The following ACOX3 variants were observed in gnomAD, a reference collection of about 807,000 sequenced individuals.
ACOX3 encodes acyl-CoA oxidase 3, pristanoyl.
A neutral mutation model predicts 81.5 loss-of-function variants in ACOX3; 73 were observed. The ratio of observed to expected loss-of-function variants is 0.90; its 90% CI spans 0.74 to 1.09. The LOEUF (loss-of-function observed/expected upper bound fraction) is 1.09. Among genes scored for constraint, ACOX3 ranks in the 50% least tolerant of loss-of-function variants. The pLI is 0.00. For synonymous variants in ACOX3, 387 were observed against 375.1 expected (o/e 1.03, Z -0.37); for missense variants, 947 against 928.0 (o/e 1.02, Z -0.27).
chr4:8,426,188 T>C (rs1231175040), intron 1 of ACOX3, among the ~76,000 whole-genome samples: 3 of 152,006 alleles, frequency 2.0e-5, no homozygotes, highest in African/African-American at 7.3e-5. Flanking sequence ...TCTTAAAACA[T>C]TACAGGGAAC....
At chr4:8,424,437 G>A (rs1723251330) in intron 1 of ACOX3, among the ~76,000 whole-genome samples, 2 of 152,206 alleles carry the variant, frequency 1.3e-5, no homozygotes, top group Non-Finnish European at 2.9e-5. Context: ...GGACCAGGTT[G>A]CAACCCATGG....
intron 15 of ACOX3, 90 bp from the exon 16 acceptor site, chr4:8,373,718 GCC>G: frequency 7.8e-7 from 1 of 1,286,674 alleles, no homozygotes; most frequent in Non-Finnish European, 1.1e-6. Flanking sequence ...TTCCAAATCG[GCC>G]ATATAGGAGG....
intron 6 of ACOX3, 145 bp downstream of exon 6, chr4:8,410,067 C>T: frequency 9.2e-7 from 1 of 1,090,050 alleles, no homozygotes; most frequent in Admixed American, 2.8e-5. Context: ...ATGGGATGCA[C>T]TGGGGTCCTG....
intron 13 of ACOX3, among the ~76,000 whole-genome samples, chr4:8,387,350 G>T (rs1424506554): frequency 6.6e-6 from 1 of 152,186 alleles, no homozygotes; most frequent in East Asian, 1.9e-4. Context: ...GATCAACCCC[G>T]GCAGCCTGGC....
chr4:8,366,805 G>T lies in ACOX3; in HGVS notation c.*156C>A, dbSNP rs971659126. The T allele has an allele frequency of 9.7e-6, 10 of 1,032,024 alleles. No individual in the cohort carries two copies. Among genetic ancestry groups the T allele is most frequent in the Middle Eastern group, 3.2e-4 (1 of 3,082 alleles). 63.9% of individuals were successfully genotyped at this position (1,032,024 alleles called of 1,614,324 possible). A position where few individuals can be genotyped will look rare whatever the true frequency, so the allele number is the denominator to read the frequency against. On this transcript the variant is annotated 3_prime_UTR_variant, in exon 18 of 18. Coordinates refer to ENST00000356406, the MANE Select transcript of ACOX3 (RefSeq NM_003501.3). ...CCGGCCGGGTGCCTCCCTCCCGTCC[G>T]CCTGGGCAGTTGAGGCCAATCAGCA...
chr4:8,363,638 G>C (rs1030137833), downstream of ACOX3, among the ~76,000 whole-genome samples: 15 of 152,174 alleles, frequency 9.9e-5, no homozygotes, highest in African/African-American at 3.6e-4. Flanking sequence ...GTAAAATGAG[G>C]CTGAGACCTA....
chr4:8,419,947 C>G lies in ACOX3; in HGVS notation c.-14-3412G>C, dbSNP rs1271503071. 6.6e-6 allele frequency among the ~76,000 whole-genome samples: 1 copy of G among 152,322 alleles called. No individual in the cohort carries two copies. The highest frequency in any genetic ancestry group is 2.1e-4 in the South Asian group (1 of 4,824). On this transcript the variant is annotated intron_variant, in intron 1 of 17. Transcript: ENST00000356406. This position sits in a 1 kb window ranked among gnomAD's most constrained non-coding sequence, Gnocchi z 4.2. ...TCCACAGTGCATCTCTAACACCTTA[C>G]GGAATCTTCTCATTTCTCTCCAGCC...
rs1055008613 is a variant in ACOX3 at position 8,414,069 on chromosome 4, T to C, written c.543+223A>G. On this transcript the variant is annotated intron_variant, in intron 5 of 17. Coordinates refer to ENST00000356406, the MANE Select transcript of ACOX3 (RefSeq NM_003501.3). This position sits in a 1 kb window ranked among gnomAD's most constrained non-coding sequence, Gnocchi z 6.1. ...ACACACAAATCCAAACCACGATCAA[T>C]TCCCCATAAAGTTCATGGTGGGCAC... Among the ~76,000 whole-genome samples, 1 of 152,166 alleles carries C rather than the reference T, an allele frequency of 6.6e-6. No individual in the cohort carries two copies. Among genetic ancestry groups the C allele is most frequent in the Non-Finnish European group, 1.5e-5 (1 of 68,020 alleles).
chr4:8,375,459 G>A (rs769735641), intron 14 of ACOX3, among the ~76,000 whole-genome samples: 40 of 152,214 alleles, frequency 2.6e-4, no homozygotes, highest in Non-Finnish European at 4.9e-4. Flanking sequence ...ACGGAGCCTG[G>A]AGCCGGCCTC....
chr4:8,357,487 T>C, the ACOX3 span: 2 of 335,694 alleles, frequency 6.0e-6, no homozygotes, highest in South Asian at 4.8e-5. Context: ...TCTTTAAAGT[T>C]TTCTACATTA....
At chr4:8,410,171 G>C (rs773020556) in intron 6 of ACOX3, 41 bp downstream of exon 6, 1 of 1,595,716 alleles carries the variant, frequency 6.3e-7, no homozygotes, top group South Asian at 1.1e-5. Flanking sequence ...GCTTCCTGGG[G>C]GTAAACACTG....
Position 8,394,671 on chromosome 4 carries a change from G to A in ACOX3, c.1128C>T (p.Asp376=). ...CAAGTCCTCGCTGGAGCTCCACCAG[G>A]TCCAGGAAGAGCGACTTGGAGAAAT... ...LDHFSKSLFL[D]LVELQRGLAS... is the part of the protein sequence containing the mutation. The change falls in exon 10 of 18, where the codon GAC becomes GAT. Residue 376 remains aspartate, a synonymous_variant. Transcript: ENST00000356406. The surrounding 1 kb of genome is among the most constrained non-coding windows in gnomAD (Gnocchi z 5.9). 5.6e-6 allele frequency: 9 copies of A among 1,613,890 alleles called. No individual in the cohort carries two copies. Among genetic ancestry groups the A allele is most frequent in the Non-Finnish European group, 7.6e-6 (9 of 1,180,004 alleles).
chr4:8,394,638 T>TA lies in ACOX3; in HGVS notation c.1160_1161insT (p.Asp388ArgfsTer12). ...ACCTCACCTGTCTGGCGCTGCGGTC[T>TA]CCCGATGCAAGTCCTCGCTGGAGCT... On this transcript the variant is annotated frameshift_variant, in exon 10 of 18. Coordinates refer to ENST00000356406, the MANE Select transcript of ACOX3 (RefSeq NM_003501.3). LOFTEE classifies it high-confidence loss of function. This position sits in a 1 kb window ranked among gnomAD's most constrained non-coding sequence, Gnocchi z 5.9. The TA allele has an allele frequency of 1.2e-6, 2 of 1,613,722 alleles. No individual in the cohort carries two copies. The highest frequency in any genetic ancestry group is 1.7e-6 in the Non-Finnish European group (2 of 1,179,972).
rs988287188 is a variant in ACOX3 at position 8,370,344 on chromosome 4, A to G, written c.1983+564T>C. The stretch of plus-strand genomic sequence containing the variant: ...CGAGGAGGCTGGTGGAGGCTCCCTC[A>G]GGGGGGCGGCCTGACCCCATCTGCT... On this transcript the variant is annotated intron_variant, in intron 17 of 17. Transcript: ENST00000356406. The surrounding 1 kb of genome is among the most constrained non-coding windows in gnomAD (Gnocchi z 6.3). Among the ~76,000 whole-genome samples, 5 of 151,844 alleles carry G rather than the reference A, an allele frequency of 3.3e-5. No individual in the cohort carries two copies. The highest frequency in any genetic ancestry group is 1.2e-4 in the African/African-American group (5 of 41,356).
In ACOX3 at chr4:8,405,893, G is replaced by T; in HGVS notation, c.776+62C>A. The stretch of plus-strand genomic sequence containing the variant: ...ATGGGGCCAGTGAGATCTCAGACAT[G>T]AGCGACAACGCAGCCTGGGCCTTGG... On this transcript the variant is annotated intron_variant, in intron 7 of 17. Transcript: ENST00000356406. The surrounding 1 kb of genome is among the most constrained non-coding windows in gnomAD (Gnocchi z 7.1). 1 of 1,503,094 alleles carries T rather than the reference G, an allele frequency of 6.7e-7. No homozygotes were observed. Among genetic ancestry groups the T allele is most frequent in the Non-Finnish European group, 9.3e-7 (1 of 1,079,538 alleles). The allele number at this position is 1,503,094 out of a possible 1,614,324, so 93.1% of individuals were successfully genotyped here. A position where few individuals can be genotyped will look rare whatever the true frequency, so the allele number is the denominator to read the frequency against.
chr4:8,360,086 T>G, the ACOX3 span, among the ~76,000 whole-genome samples: 1 of 152,220 alleles, frequency 6.6e-6, no homozygotes, highest in Non-Finnish European at 1.5e-5. Context: ...CCTTCTTGTC[T>G]TCTATGTTCT....
In ACOX3 at chr4:8,416,437, A is replaced by G. The variant is rs758363461; in HGVS notation, c.85T>C (p.Ser29Pro). ...AGCGCCAGCTCCTTCCAGCTGAAGGACGCTCTTGCTCGGTAGGCATCGAGG... is the reference window on the plus strand; with the variant it reads ...AGCGCCAGCTCCTTCCAGCTGAAGGGCGCTCTTGCTCGGTAGGCATCGAGG... ...GPLDAYRARA[S>P]FSWKELALFT... Residue 29 changes from serine (S) to proline (P), a missense_variant, in exon 2 of 18, where the codon TCC becomes CCC. Physicochemically the swap from Ser to Pro is moderately conservative, Grantham distance 74 (BLOSUM62 -1). Transcript: ENST00000356406. This position sits in a 1 kb window ranked among gnomAD's most constrained non-coding sequence, Gnocchi z 4.2. 6.2e-7 allele frequency: 1 copy of G among 1,614,174 alleles called. No individual in the cohort carries two copies. The highest frequency in any genetic ancestry group is 2.2e-5 in the East Asian group (1 of 44,868).
the ACOX3 span, chr4:8,355,602 A>C: frequency 6.6e-6 from 1 of 152,236 alleles, no homozygotes; most frequent in African/African-American, 2.4e-5. Context: ...AGTGTAAATA[A>C]TCTTTGTGTG....
chr4:8,440,523 T>G, intron 1 of ACOX3, 125 bp downstream of exon 1: 1 of 320,680 alleles, frequency 3.1e-6, no homozygotes, highest in South Asian at 1.4e-4. Flanking sequence ...TCCCTGACTT[T>G]TATCGGTAAT....
Sources: allele counts gnomAD v4.1 joint callset (sites outside exome capture counted in the v4.1 genomes callset), GRCh38; gene constraint gnomAD v4.1.1; non-coding constraint Gnocchi (gnomAD v3.1); transcripts MANE v1.5; gene names NCBI Gene and HGNC (gene_info 2026-07-23, HGNC 2026-07-21).